UVRAG: variants seen among roughly 807,000 people sequenced by gnomAD.
UVRAG encodes the protein UV radiation resistance-associated gene protein.
Under a neutral mutation model 78.0 loss-of-function variants are expected in UVRAG, and 19 were observed. That is an observed-to-expected ratio of 0.24 (90% confidence interval 0.17 to 0.36). The LOEUF (loss-of-function observed/expected upper bound fraction) is 0.36. Among genes scored for constraint, UVRAG ranks in the 10% least tolerant of loss-of-function variants. The pLI is 1.00. For missense variants in UVRAG, 740 were observed against 853.8 expected (o/e 0.87, Z 1.66); for synonymous variants, 323 against 324.6 (o/e 1.00, Z 0.05).
chr11:75,822,070 G>T (rs2135804263), intron 1 of UVRAG, among the ~76,000 whole-genome samples: 1 of 150,580 alleles, frequency 6.6e-6, no homozygotes, highest in African/African-American at 2.4e-5. Flanking sequence ...TCAACCTCCT[G>T]AGTAGCTGGG....
chr11:76,001,534 A>G (rs1320010453), intron 8 of UVRAG, among the ~76,000 whole-genome samples: 1 of 152,246 alleles, frequency 6.6e-6, no homozygotes, highest in Admixed American at 6.5e-5. Context: ...AAAGATCACT[A>G]AAATTGATAA....
chr11:76,140,932 C>T lies in UVRAG; in HGVS notation c.1619C>T (p.Thr540Ile), dbSNP rs781535667. The T allele has an allele frequency of 4.3e-5, 70 of 1,614,044 alleles. No homozygotes were observed. The highest frequency in any genetic ancestry group is 5.8e-5 in the Non-Finnish European group (69 of 1,180,038). ...ACCACCGTCCCCTCCATGGGAGAGACCGAGAGAAAGATAACATCTCTATCC... is the reference window on the plus strand; with the variant it reads ...ACCACCGTCCCCTCCATGGGAGAGATCGAGAGAAAGATAACATCTCTATCC... The part of the protein sequence containing the change: ...PVTTVPSMGE[T>I]ERKITSLSSS... Residue 540 changes from threonine (T) to isoleucine (I), a missense_variant, in exon 15 of 15, where the codon ACC (threonine) becomes ATC (isoleucine). Coordinates refer to ENST00000356136, the MANE Select transcript of UVRAG (RefSeq NM_003369.4).
At chr11:76,078,584 A>G (rs768431952) in intron 13 of UVRAG, among the ~76,000 whole-genome samples, 3 of 151,856 alleles carry the variant, frequency 2.0e-5, no homozygotes, top group Non-Finnish European at 4.4e-5. Flanking sequence ...GATTTAATGG[A>G]AAGAACATAA....
At chr11:76,068,206 C>G (rs144487115) in intron 13 of UVRAG, among the ~76,000 whole-genome samples, 3 of 152,254 alleles carry the variant, frequency 2.0e-5, no homozygotes, top group African/African-American at 7.2e-5. Flanking sequence ...GGAGCAAGAC[C>G]AAGATGGAGG....
chr11:75,944,185 G>A (rs913871157), intron 6 of UVRAG, among the ~76,000 whole-genome samples: 1 of 152,076 alleles, frequency 6.6e-6, no homozygotes, highest in African/African-American at 2.4e-5. Flanking sequence ...CTAAACAGCA[G>A]TTCCCTTGCA....
In UVRAG at chr11:75,975,183, T is replaced by C. The variant is rs1818482026; in HGVS notation, c.700-8204T>C. The stretch of plus-strand genomic sequence containing the variant: ...CAAAGATCAGATGGTTGTAGATGTG[T>C]GGTATTATTTCTGAGGGCTCTGTTC... On this transcript the variant is annotated intron_variant, in intron 7 of 14. Coordinates refer to ENST00000356136, the MANE Select transcript of UVRAG (RefSeq NM_003369.4). Among the ~76,000 whole-genome samples, 3 of 152,282 alleles carry C rather than the reference T, an allele frequency of 2.0e-5. No individual in the cohort carries two copies. In the South Asian group the frequency reaches 6.2e-4, roughly 32 times the overall value.
rs146927990 is a variant in UVRAG at position 75,822,969 on chromosome 11, G to A, written c.117+7445G>A. ...CTTCTGATCATGGCCTGGTCTTTCTGGTGACCATTCTCCTTCTAGGAGCTC... is the reference window on the plus strand; with the variant it reads ...CTTCTGATCATGGCCTGGTCTTTCTAGTGACCATTCTCCTTCTAGGAGCTC... On this transcript the variant is annotated intron_variant, in intron 1 of 14. Transcript: ENST00000356136. Among the ~76,000 whole-genome samples the A allele has an allele frequency of 4.7e-3, 708 of 152,116 alleles. 5 individuals carry two copies. Among genetic ancestry groups the A allele is most frequent in the African/African-American group, 0.016 (648 of 41,478 alleles).
intron 14 of UVRAG, among the ~76,000 whole-genome samples, chr11:76,127,869 A>G (rs1267464010): frequency 3.3e-5 from 5 of 152,010 alleles, no homozygotes; most frequent in African/African-American, 1.2e-4. Context: ...AGGCACAAGA[A>G]TCACTTGAAC....
At chr11:75,829,926 A>G (rs932791461) in intron 1 of UVRAG, among the ~76,000 whole-genome samples, 1 of 152,064 alleles carries the variant, frequency 6.6e-6, no homozygotes, top group Non-Finnish European at 1.5e-5. Context: ...TGCAGCCTCC[A>G]CCTGCTGGGT....
At chr11:75,934,628 A>G (rs1948326002) in intron 6 of UVRAG, among the ~76,000 whole-genome samples, 1 of 152,164 alleles carries the variant, frequency 6.6e-6, no homozygotes, top group Admixed American at 6.5e-5. Context: ...AAACATATAC[A>G]CTTACTGTGT....
intron 14 of UVRAG, among the ~76,000 whole-genome samples, chr11:76,125,321 G>T (rs1377054585): frequency 6.6e-6 from 1 of 152,168 alleles, no homozygotes; most frequent in African/African-American, 2.4e-5. Context: ...TTTTCTCTAA[G>T]ATAGCTGTTT....
chr11:75,942,720 G>A (rs1002997569), intron 6 of UVRAG, among the ~76,000 whole-genome samples: 1 of 151,962 alleles, frequency 6.6e-6, no homozygotes, highest in Non-Finnish European at 1.5e-5. Context: ...ATACAGGAGG[G>A]GATACAAAGG....
At chr11:75,885,673 C>T (rs1947059117) in intron 4 of UVRAG, among the ~76,000 whole-genome samples, 1 of 152,074 alleles carries the variant, frequency 6.6e-6, no homozygotes, top group African/African-American at 2.4e-5. Flanking sequence ...TATTAGGATT[C>T]TAATACAATT....
intron 5 of UVRAG, among the ~76,000 whole-genome samples, chr11:75,902,977 C>G (rs1373870985): frequency 1.3e-5 from 2 of 152,150 alleles, no homozygotes; most frequent in Admixed American, 6.5e-5. Context: ...CTAGATGTGT[C>G]CAACTCTCTG....
intron 3 of UVRAG, among the ~76,000 whole-genome samples, chr11:75,870,909 G>C (rs1946633277): frequency 6.7e-6 from 1 of 150,304 alleles, no homozygotes; most frequent in Non-Finnish European, 1.5e-5. Flanking sequence ...CACTCTTGTT[G>C]CCCAGGCTGG....
At chr11:76,003,257 ATTTTTTTTT>A (rs398045280) in intron 8 of UVRAG, among the ~76,000 whole-genome samples, 36 of 53,732 alleles carry the variant, frequency 6.7e-4, no homozygotes, top group African/African-American at 2.3e-3. Context: ...GAAAATACTG[ATTTTTTTTT>A]TTTTTTTTTT....
At chr11:75,904,013 T>C (rs920039757) in intron 5 of UVRAG, among the ~76,000 whole-genome samples, 2 of 152,230 alleles carry the variant, frequency 1.3e-5, no homozygotes, top group Non-Finnish European at 2.9e-5. Flanking sequence ...ATAAGCAAAC[T>C]GTAGTCCAGC....
chr11:75,895,343 A>G (rs1410763552), intron 5 of UVRAG, among the ~76,000 whole-genome samples: 1 of 152,042 alleles, frequency 6.6e-6, no homozygotes, highest in Non-Finnish European at 1.5e-5. Context: ...TCTGTTCATA[A>G]CTTTTCCCTC....
At chr11:75,961,635 C>G in intron 7 of UVRAG, 86 bp downstream of exon 7, 4 of 1,017,964 alleles carry the variant, frequency 3.9e-6, no homozygotes, top group Non-Finnish European at 4.2e-6. Flanking sequence ...TTAAAAAACG[C>G]TTTAGATCGT....
Sources: allele counts gnomAD v4.1 joint callset (sites outside exome capture counted in the v4.1 genomes callset), GRCh38; gene constraint gnomAD v4.1.1; transcripts MANE v1.5; gene names NCBI Gene and HGNC (gene_info 2026-07-23, HGNC 2026-07-21).